Variants in CAPN13 observed in about 807,000 individuals in gnomAD.
The protein encoded by CAPN13 is calpain-13.
Under a neutral mutation model 98.4 loss-of-function variants are expected in CAPN13, and 90 were observed. That is an observed-to-expected ratio of 0.92 (90% CI 0.77 to 1.09). CAPN13 has a LOEUF of 1.09. Ranked by LOEUF, CAPN13 falls within the 50% of genes least tolerant of loss-of-function variation. The pLI is 0.00. For synonymous variants in CAPN13, 330 were observed against 305.5 expected (o/e 1.08, Z -0.84); for missense variants, 887 against 841.3 (o/e 1.05, Z -0.67).
At position 30,778,283 on chromosome 2, in the gene CAPN13, G is replaced by GTGGTTATGGA. The variant is rs201159265; in HGVS notation, c.199-654_199-645dup. ...ACATAGTGCCTGCCAGCCAGAGACA[G>GTGGTTATGGA]TGGTTATGGAGGATTCCACCAGTGC... On this transcript the variant is annotated intron_variant, in intron 2 of 22. Coordinates refer to ENST00000295055, the MANE Select transcript of CAPN13 (RefSeq NM_144575.3). 5.5e-3 allele frequency among the ~76,000 whole-genome samples: 840 copies of GTGGTTATGGA among 152,290 alleles called. 7 individuals carry two copies. The highest frequency in any genetic ancestry group is 0.018 in the African/African-American group (752 of 41,564).
intron 1 of CAPN13, among the ~76,000 whole-genome samples, chr2:30,801,624 A>AG (rs1675280898): frequency 7.1e-6 from 1 of 141,290 alleles, no homozygotes; most frequent in African/African-American, 3.1e-5. Flanking sequence ...AAAAAAAAAA[A>AG]AAAGAAGAAG....
intron 5 of CAPN13, among the ~76,000 whole-genome samples, chr2:30,766,455 G>A (rs998736053): frequency 6.6e-6 from 1 of 152,224 alleles, no homozygotes; most frequent in Admixed American, 6.5e-5. Flanking sequence ...GTTTTGACAA[G>A]GAGCTATCTT....
At chr2:30,731,474 G>T (rs1558606512) in intron 20 of CAPN13, 75 bp from the exon 21 acceptor site, 2 of 1,318,992 alleles carry the variant, frequency 1.5e-6, no homozygotes, top group African/African-American at 1.5e-5. Flanking sequence ...GCAGGCCTGG[G>T]CCCATAAGAA....
At position 30,743,556 on chromosome 2, in the gene CAPN13, GGGT is replaced by G. The variant is rs1558618395; in HGVS notation, c.1269_1271del (p.Pro424del). On this transcript the variant is annotated inframe_deletion, in exon 13 of 23. Transcript: ENST00000295055. ...TGTTTCTGAACGAGGAAAAAAACACGGGTGGAAATTTCTCCCGGAACCGCTGGA... is the reference window on the plus strand; with the variant it reads ...TGTTTCTGAACGAGGAAAAAAACACGGGAAATTTCTCCCGGAACCGCTGGA... The G allele has an allele frequency of 6.2e-7, 1 of 1,613,892 alleles. No homozygotes were observed. Among genetic ancestry groups the G allele is most frequent in the Non-Finnish European group, 8.5e-7 (1 of 1,179,872 alleles).
chr2:30,790,643 T>C (rs1376474546), intron 1 of CAPN13, among the ~76,000 whole-genome samples: 1 of 152,332 alleles, frequency 6.6e-6, no homozygotes, highest in African/African-American at 2.4e-5. Flanking sequence ...TGGGCTGCCA[T>C]AGCAAAATAC....
intron 2 of CAPN13, among the ~76,000 whole-genome samples, chr2:30,786,081 T>C (rs1258965883): frequency 6.6e-6 from 1 of 152,220 alleles, no homozygotes; most frequent in African/African-American, 2.4e-5. Flanking sequence ...CCTTCCCATG[T>C]GCAGAACTGA....
rs868362726 is a variant in CAPN13 at position 30,741,898 on chromosome 2, GGTACCATACCT to G, written c.1535_1536+9del. ...TCCCACGTAAGGCCCCTGGGTGCTA[GGTACCATACCT>G]GCTGAGCATATCTGTTGAAAATGCT... On this transcript the variant is annotated splice_donor_variant and splice_donor_5th_base_variant and coding_sequence_variant and intron_variant, in exon 15 of 23. Transcript: ENST00000295055. LOFTEE classifies it high-confidence loss of function. 32 of 1,613,984 alleles carry G rather than the reference GGTACCATACCT, an allele frequency of 2.0e-5. 2 individuals are homozygous for G. The African/African-American group carries it at 2.0e-4, about 10-fold the overall frequency.
At chr2:30,745,152 CAG>C in intron 12 of CAPN13, 1 of 469,628 alleles carries the variant, frequency 2.1e-6, no homozygotes, top group Non-Finnish European at 4.4e-6. Context: ...CAGCCATGGG[CAG>C]AGAGGTGGGT....
chr2:30,796,063 C>T (rs1394039908), intron 1 of CAPN13, among the ~76,000 whole-genome samples: 1 of 150,950 alleles, frequency 6.6e-6, no homozygotes, highest in Non-Finnish European at 1.5e-5. Flanking sequence ...AAGCCAATTA[C>T]TTAATTTTCC....
chr2:30,788,594 T>G (rs567114502), intron 1 of CAPN13, among the ~76,000 whole-genome samples: 6 of 152,192 alleles, frequency 3.9e-5, no homozygotes, highest in Non-Finnish European at 8.8e-5. Context: ...GGTCCCTGTG[T>G]TGCACCCATT....
intron 10 of CAPN13, 130 bp downstream of exon 10, chr2:30,752,923 A>G (rs1017995814): frequency 2.9e-6 from 3 of 1,025,786 alleles, no homozygotes; most frequent in Non-Finnish European, 2.9e-6. Context: ...TCATGCTGAC[A>G]AACTCCCCTC....
intron 3 of CAPN13, among the ~76,000 whole-genome samples, chr2:30,776,384 T>C (rs918367525): frequency 1.3e-5 from 2 of 152,242 alleles, no homozygotes; most frequent in African/African-American, 4.8e-5. Context: ...GCTAATTTTT[T>C]TTATTTTTAG....
chr2:30,735,600 C>T (rs77017306), intron 18 of CAPN13, among the ~76,000 whole-genome samples: 1 of 152,072 alleles, frequency 6.6e-6, no homozygotes, highest in South Asian at 2.1e-4. Flanking sequence ...GGACCCTTGC[C>T]CCGGGGGACC....
At position 30,777,569 on chromosome 2, in the gene CAPN13, G is replaced by A. The variant is rs571015176; in HGVS notation, c.269C>T (p.Ala90Val). The A allele has an allele frequency of 3.2e-6, 5 of 1,573,410 alleles. No homozygotes were observed. In the East Asian group the frequency reaches 9.3e-5, roughly 29 times the overall value. The change falls in exon 3 of 23, where the codon GCA becomes GTA. Residue 90 changes from alanine (A) to valine (V), a missense_variant and splice_region_variant. Ala to Val is a moderately conservative substitution (Grantham distance 64). Coordinates refer to ENST00000295055, the MANE Select transcript of CAPN13 (RefSeq NM_144575.3). ...ISRFDIQQGGAADCWFLAALG... is the reference protein window; with the variant it reads ...ISRFDIQQGGVADCWFLAALG... ...GAGGGAAGATGTTGCACTCTTACCT[G>A]CGCCTCCTTGTTGGATGTCAAATCT...
At chr2:30,772,471 T>A (rs1325872593) in intron 4 of CAPN13, among the ~76,000 whole-genome samples, 2 of 152,054 alleles carry the variant, frequency 1.3e-5, no homozygotes, top group East Asian at 1.9e-4. Context: ...GCAAAGCGAG[T>A]CCTGCCTGGG....
intron 4 of CAPN13, among the ~76,000 whole-genome samples, chr2:30,770,889 A>G (rs1673371800): frequency 6.6e-6 from 1 of 152,220 alleles, no homozygotes; most frequent in Non-Finnish European, 1.5e-5. Flanking sequence ...GAGGGCTTGA[A>G]GGAAGAGGCA....
chr2:30,787,962 A>T (rs148595434), intron 1 of CAPN13, among the ~76,000 whole-genome samples: 1 of 152,290 alleles, frequency 6.6e-6, no homozygotes, highest in African/African-American at 2.4e-5. Flanking sequence ...GACTGGAAGC[A>T]GGAAGGAAGC....
intron 10 of CAPN13, 73 bp downstream of exon 10, chr2:30,752,980 T>G (rs1415829781): frequency 6.5e-7 from 1 of 1,531,150 alleles, no homozygotes; most frequent in East Asian, 2.2e-5. Context: ...CAGAGAGAGC[T>G]GAAGCCATGC....
intron 4 of CAPN13, among the ~76,000 whole-genome samples, chr2:30,772,068 C>T (rs1237059214): frequency 6.6e-6 from 1 of 152,174 alleles, no homozygotes; most frequent in Non-Finnish European, 1.5e-5. Context: ...GCCCTATCTT[C>T]CCACACCAGT....
Sources: allele counts gnomAD v4.1 joint callset (sites outside exome capture counted in the v4.1 genomes callset), GRCh38; gene constraint gnomAD v4.1.1; transcripts MANE v1.5; gene names NCBI Gene and HGNC (gene_info 2026-07-23, HGNC 2026-07-21).